The following DRC5 variants were observed in gnomAD, a reference collection of about 807,000 sequenced individuals.
DRC5 encodes the protein dynein regulatory complex subunit 5.
the DRC5 span, among the ~76,000 whole-genome samples, chr6:44,285,701 T>C: frequency 1.3e-5 from 2 of 152,246 alleles, no homozygotes; most frequent in African/African-American, 2.4e-5. Flanking sequence ...ATCTTGCTCA[T>C]CCTTGAATCT....
At chr6:44,290,259 A>C in the DRC5 span, among the ~76,000 whole-genome samples, 1 of 152,186 alleles carries the variant, frequency 6.6e-6, no homozygotes. Context: ...ACCTTGGCCA[A>C]GTTACTTAAC....
the DRC5 span, chr6:44,287,772 G>A: frequency 6.2e-7 from 1 of 1,614,218 alleles, no homozygotes; most frequent in South Asian, 1.1e-5. Flanking sequence ...CCTGGGTGGA[G>A]ACTGAGGAGT....
chr6:44,294,815 G>A, the DRC5 span, among the ~76,000 whole-genome samples: 828 of 151,116 alleles, frequency 5.5e-3, 12 homozygotes, highest in African/African-American at 0.019. Flanking sequence ...AAAGAAAGGA[G>A]GCAAGGAGAA....
At chr6:44,291,232 G>A in the DRC5 span, among the ~76,000 whole-genome samples, 1 of 152,172 alleles carries the variant, frequency 6.6e-6, no homozygotes, top group Non-Finnish European at 1.5e-5. Flanking sequence ...CATAAGATCA[G>A]AGTTGATAAT....
chr6:44,292,783 G>C, the DRC5 span, among the ~76,000 whole-genome samples: 1 of 152,134 alleles, frequency 6.6e-6, no homozygotes, highest in Non-Finnish European at 1.5e-5. Context: ...CTCTCCACAC[G>C]TACAAGGTCT....
the DRC5 span, among the ~76,000 whole-genome samples, chr6:44,293,666 C>T: frequency 6.6e-6 from 1 of 152,160 alleles, no homozygotes; most frequent in Admixed American, 6.5e-5. Context: ...GTCCCCCTCC[C>T]CTCACTGTTC....
the DRC5 span, among the ~76,000 whole-genome samples, chr6:44,296,187 G>A: frequency 6.6e-6 from 1 of 152,160 alleles, no homozygotes; most frequent in African/African-American, 2.4e-5. Context: ...GAGATGCTGG[G>A]GTTGCTTATA....
the DRC5 span, among the ~76,000 whole-genome samples, chr6:44,293,723 A>T: frequency 4.6e-5 from 7 of 152,180 alleles, no homozygotes; most frequent in Non-Finnish European, 7.4e-5. Flanking sequence ...CTCCTTGGGA[A>T]GTGGGGAGGG....
At chr6:44,283,093 C>T in the DRC5 span, among the ~76,000 whole-genome samples, 3 of 152,166 alleles carry the variant, frequency 2.0e-5, no homozygotes, top group Admixed American at 6.5e-5. Flanking sequence ...TGAGCCACCG[C>T]GCCCGGCCGC....
At chr6:44,289,441 G>A in the DRC5 span, among the ~76,000 whole-genome samples, 3 of 152,112 alleles carry the variant, frequency 2.0e-5, no homozygotes, top group Non-Finnish European at 4.4e-5. Context: ...GTTTTCATAT[G>A]AGGTCTTCAA....
chr6:44,286,144 C>T, the DRC5 span: 19 of 1,613,904 alleles, frequency 1.2e-5, no homozygotes, highest in South Asian at 2.0e-4. Flanking sequence ...CAACGGTGGG[C>T]TCCTCCATCT....
chr6:44,284,866 T>C, the DRC5 span, among the ~76,000 whole-genome samples: 4 of 152,382 alleles, frequency 2.6e-5, no homozygotes, highest in African/African-American at 7.2e-5. Context: ...ACTGCTGCCC[T>C]GCCCAGGCCA....
the DRC5 span, chr6:44,287,412 TG>T: frequency 1.0e-6 from 1 of 1,002,176 alleles, no homozygotes; most frequent in Non-Finnish European, 1.4e-6. Context: ...AAGTGTTGAG[TG>T]GGTATGAGGA....
the DRC5 span, chr6:44,280,088 G>A: frequency 2.2e-5 from 26 of 1,166,178 alleles, no homozygotes; most frequent in Middle Eastern, 2.0e-4. Context: ...CCCCCTCCCC[G>A]CTCCCTCTGA....
chr6:44,281,271 A>G, the DRC5 span, among the ~76,000 whole-genome samples: 3 of 152,356 alleles, frequency 2.0e-5, no homozygotes, highest in South Asian at 4.1e-4. Context: ...TGCAAAGTCA[A>G]TTTAATGGGT....
the DRC5 span, chr6:44,282,118 T>C: frequency 2.4e-5 from 38 of 1,610,286 alleles, no homozygotes; most frequent in South Asian, 3.3e-5. Context: ...ACCAGCCCGA[T>C]GTGGTTGCAG....
the DRC5 span, among the ~76,000 whole-genome samples, chr6:44,296,030 G>A: frequency 6.6e-6 from 1 of 152,206 alleles, no homozygotes; most frequent in Admixed American, 6.5e-5. Flanking sequence ...ATTAATTATT[G>A]AGGATTATTA....
the DRC5 span, chr6:44,286,414 GA>G: frequency 1.9e-6 from 3 of 1,614,204 alleles, no homozygotes; most frequent in Non-Finnish European, 2.5e-6. Flanking sequence ...TGCAGCAGCG[GA>G]GCCAGTAGTT....
the DRC5 span, among the ~76,000 whole-genome samples, chr6:44,296,571 T>C: frequency 1.3e-5 from 2 of 148,256 alleles, no homozygotes; most frequent in Non-Finnish European, 3.0e-5. Flanking sequence ...AGGAAGATGC[T>C]GTAGGTTTGC....
Sources: allele counts gnomAD v4.1 joint callset (sites outside exome capture counted in the v4.1 genomes callset), GRCh38; gene constraint gnomAD v4.1.1; transcripts MANE v1.5; gene names NCBI Gene and HGNC (gene_info 2026-07-23, HGNC 2026-07-21).